The following GPC6 variants were observed in gnomAD, a reference collection of about 807,000 sequenced individuals.
The protein encoded by GPC6 is glypican 6, also known as glypican-6.
GPC6 carries 14 observed loss-of-function variants against 55.2 expected under a neutral mutation model. That is an observed-to-expected ratio of 0.25 (90% CI 0.17 to 0.40). The LOEUF (loss-of-function observed/expected upper bound fraction) is 0.40. GPC6 is among the 10% of genes least tolerant of loss of function. The pLI is 1.00. For missense variants in GPC6, 641 were observed against 708.5 expected (o/e 0.90, Z 1.08); for synonymous variants, 278 against 259.6 (o/e 1.07, Z -0.68).
At chr13:94,188,326 A>T (rs540542380) in intron 4 of GPC6, among the ~76,000 whole-genome samples, 1 of 152,140 alleles carries the variant, frequency 6.6e-6, no homozygotes, top group Non-Finnish European at 1.5e-5. Context: ...GGGGTGAGTT[A>T]AGGCAGCACA....
At chr13:93,486,930 C>T (rs1255969127) in intron 1 of GPC6, among the ~76,000 whole-genome samples, 3 of 142,420 alleles carry the variant, frequency 2.1e-5, no homozygotes, top group Admixed American at 7.3e-5. Flanking sequence ...GGCGACAGAG[C>T]GAGACTCCAT....
At chr13:94,039,226 C>G (rs1883445168) in intron 4 of GPC6, among the ~76,000 whole-genome samples, 1 of 151,920 alleles carries the variant, frequency 6.6e-6, no homozygotes, top group South Asian at 2.1e-4. Context: ...AATACTTGAC[C>G]TTCTTTTGCC....
intron 2 of GPC6, among the ~76,000 whole-genome samples, chr13:93,753,057 G>A (rs1884651879): frequency 6.6e-6 from 1 of 152,188 alleles, no homozygotes; most frequent in East Asian, 1.9e-4. Context: ...CCTGAGTAGG[G>A]ATATTAAGAG....
At chr13:93,628,677 A>G (rs1013718577) in intron 2 of GPC6, among the ~76,000 whole-genome samples, 5 of 152,180 alleles carry the variant, frequency 3.3e-5, no homozygotes, top group African/African-American at 9.6e-5. Flanking sequence ...TCTTAGCACT[A>G]TTGAATTTTG....
intron 4 of GPC6, among the ~76,000 whole-genome samples, chr13:94,095,989 C>T (rs1307596165): frequency 1.3e-5 from 2 of 152,098 alleles, no homozygotes; most frequent in Non-Finnish European, 2.9e-5. Context: ...GAGAAAGCCA[C>T]ACAGCAGTCA....
At chr13:93,999,930 A>G (rs999764627) in intron 3 of GPC6, among the ~76,000 whole-genome samples, 5 of 152,064 alleles carry the variant, frequency 3.3e-5, no homozygotes, top group Non-Finnish European at 5.9e-5. Context: ...CTCACAAATG[A>G]CTCATCAATT....
intron 1 of GPC6, among the ~76,000 whole-genome samples, chr13:93,422,298 A>G (rs1876951638): frequency 6.6e-6 from 1 of 152,216 alleles, no homozygotes; most frequent in African/African-American, 2.4e-5. Flanking sequence ...AGAAATGATC[A>G]TAATGACATG....
At chr13:94,217,550 G>A (rs959142721) in intron 4 of GPC6, among the ~76,000 whole-genome samples, 1 of 152,146 alleles carries the variant, frequency 6.6e-6, no homozygotes, top group African/African-American at 2.4e-5. Flanking sequence ...CGACAGTTGG[G>A]TGATGTAACT....
chr13:93,588,157 G>A (rs771806025), intron 2 of GPC6, among the ~76,000 whole-genome samples: 6 of 152,126 alleles, frequency 3.9e-5, no homozygotes, highest in Admixed American at 6.5e-5. Context: ...CCACTTCTTC[G>A]TTTTCAGTCT....
intron 2 of GPC6, among the ~76,000 whole-genome samples, chr13:93,613,013 A>G (rs1350938015): frequency 6.6e-6 from 1 of 152,184 alleles, no homozygotes; most frequent in Non-Finnish European, 1.5e-5. Context: ...GTGTAACCTA[A>G]CAGTTGTGAA....
intron 1 of GPC6, among the ~76,000 whole-genome samples, chr13:93,407,983 G>C (rs1432727498): frequency 6.6e-6 from 1 of 152,086 alleles, no homozygotes; most frequent in East Asian, 1.9e-4. Context: ...CCTTTATAGA[G>C]ATTTTTCTTA....
At chr13:93,615,720 A>C (rs1221082842) in intron 2 of GPC6, among the ~76,000 whole-genome samples, 6 of 152,164 alleles carry the variant, frequency 3.9e-5, no homozygotes, top group Admixed American at 2.6e-4. Flanking sequence ...TGTAAATGTT[A>C]CTGGGGTGTT....
intron 3 of GPC6, among the ~76,000 whole-genome samples, chr13:93,971,347 T>C (rs946487745): frequency 6.6e-6 from 1 of 152,214 alleles, no homozygotes; most frequent in Admixed American, 6.5e-5. Flanking sequence ...ATGGTGAACT[T>C]TGGAAGTTTC....
intron 4 of GPC6, among the ~76,000 whole-genome samples, chr13:94,126,042 G>T (rs750641368): frequency 1.3e-5 from 2 of 151,968 alleles, no homozygotes; most frequent in African/African-American, 2.4e-5. Context: ...TATAAGGAGG[G>T]CATCATGATA....
intron 1 of GPC6, among the ~76,000 whole-genome samples, chr13:93,488,891 T>C (rs1179221584): frequency 1.3e-5 from 2 of 152,182 alleles, no homozygotes; most frequent in South Asian, 2.1e-4. Context: ...GATGAGTAGA[T>C]TGCAAAAATT....
chr13:93,741,797 A>G (rs1034198195), intron 2 of GPC6, among the ~76,000 whole-genome samples: 1 of 152,134 alleles, frequency 6.6e-6, no homozygotes, highest in Non-Finnish European at 1.5e-5. Context: ...TACTTGTTGA[A>G]CTTTCCATTA....
At chr13:93,330,371 G>A (rs1435879354) in intron 1 of GPC6, among the ~76,000 whole-genome samples, 2 of 152,026 alleles carry the variant, frequency 1.3e-5, no homozygotes, top group African/African-American at 4.8e-5. Context: ...CCAAGAAAAA[G>A]AAAAAGCCAT....
intron 1 of GPC6, among the ~76,000 whole-genome samples, chr13:93,393,714 A>G (rs1875739319): frequency 6.6e-6 from 1 of 150,836 alleles, no homozygotes; most frequent in African/African-American, 2.4e-5. Context: ...AGAATTTGTC[A>G]TATTCTTTTT....
intron 3 of GPC6, among the ~76,000 whole-genome samples, chr13:93,939,231 T>G (rs1389126227): frequency 6.6e-6 from 1 of 151,466 alleles, no homozygotes; most frequent in Non-Finnish European, 1.5e-5. Flanking sequence ...TAGTTTAGAT[T>G]GTCAAAAAAG....
Sources: gnomAD v4.1 joint callset for allele counts (sites outside exome capture counted in the v4.1 genomes callset) on GRCh38, gnomAD v4.1.1 for gene constraint, MANE v1.5 for transcripts, NCBI Gene and HGNC (gene_info 2026-07-23, HGNC 2026-07-21) for gene names.